Variants in NPAS3 observed in about 807,000 individuals in gnomAD.
NPAS3 encodes neuronal PAS domain-containing protein 3.
NPAS3 carries 14 observed loss-of-function variants against 73.1 expected under a neutral mutation model. That is an observed-to-expected ratio of 0.19 (90% confidence interval 0.13 to 0.30). The LOEUF is 0.30. NPAS3 is among the 10% of genes least tolerant of loss of function. NPAS3 has a pLI of 1.00. For synonymous variants in NPAS3, 620 were observed against 541.5 expected (o/e 1.14, Z -2.01); for missense variants, 1,096 against 1,250.0 (o/e 0.88, Z 1.86).
intron 6 of NPAS3, among the ~76,000 whole-genome samples, chr14:33,734,279 A>C (rs557127374): frequency 1.7e-4 from 26 of 152,250 alleles, no homozygotes; most frequent in Admixed American, 6.5e-4. Context: ...CCCCAAAATT[A>C]ATTTCTTTGC....
intron 3 of NPAS3, among the ~76,000 whole-genome samples, chr14:33,237,722 A>G (rs1453586913): frequency 2.0e-5 from 3 of 152,030 alleles, no homozygotes; most frequent in Non-Finnish European, 4.4e-5. Context: ...ATAGATTTGC[A>G]TATACATATA....
intron 1 of NPAS3, among the ~76,000 whole-genome samples, chr14:32,966,931 A>C (rs566087581): frequency 6.6e-6 from 1 of 152,338 alleles, no homozygotes; most frequent in Admixed American, 6.5e-5. Flanking sequence ...AAATGGGATT[A>C]CATTAAACTA....
At chr14:33,656,295 G>A (rs779857296) in intron 5 of NPAS3, among the ~76,000 whole-genome samples, 73 of 131,654 alleles carry the variant, frequency 5.5e-4, no homozygotes, top group Non-Finnish European at 1.0e-3. Flanking sequence ...GGTAATGATT[G>A]TTGTTGTTCT....
At chr14:33,323,782 T>C (rs1396918411) in intron 3 of NPAS3, among the ~76,000 whole-genome samples, 1 of 152,242 alleles carries the variant, frequency 6.6e-6, no homozygotes, top group Admixed American at 6.5e-5. Flanking sequence ...GCTTACGCCA[T>C]CATTTAGTAA....
At chr14:33,644,667 C>T (rs1000731382) in intron 5 of NPAS3, among the ~76,000 whole-genome samples, 11 of 152,136 alleles carry the variant, frequency 7.2e-5, no homozygotes, top group Admixed American at 3.9e-4. Flanking sequence ...CAGATACAAG[C>T]GGAACCCGGG....
intron 2 of NPAS3, among the ~76,000 whole-genome samples, chr14:33,211,666 A>G (rs538387560): frequency 6.6e-5 from 10 of 152,302 alleles, no homozygotes; most frequent in Non-Finnish European, 1.5e-4. Flanking sequence ...CTATATATTT[A>G]TATGCACACA....
At chr14:33,475,078 C>T (rs1188544484) in intron 4 of NPAS3, among the ~76,000 whole-genome samples, 1 of 151,946 alleles carries the variant, frequency 6.6e-6, no homozygotes, top group African/African-American at 2.4e-5. Flanking sequence ...CCCTCTCAAC[C>T]TTTAATGAAT....
chr14:33,329,830 G>C (rs895769252), intron 3 of NPAS3, among the ~76,000 whole-genome samples: 4 of 152,090 alleles, frequency 2.6e-5, no homozygotes, highest in Non-Finnish European at 5.9e-5. Context: ...GTGTGTGAGA[G>C]AGAGAGAGAG....
chr14:33,684,346 C>T (rs138706102), intron 6 of NPAS3, among the ~76,000 whole-genome samples: 25 of 152,000 alleles, frequency 1.6e-4, no homozygotes, highest in Non-Finnish European at 3.1e-4. Flanking sequence ...GAGTCTCGCT[C>T]TGTCGCCCAG....
In NPAS3 at chr14:33,732,222, C is replaced by T. The variant is rs151032801; in HGVS notation, c.734-2992C>T. 5.3e-5 allele frequency among the ~76,000 whole-genome samples: 8 copies of T among 152,292 alleles called. No homozygotes were observed. The East Asian group carries it at 1.2e-3, about 22-fold the overall frequency. ...CTTCGCCTCATCCCACACACATGCACGCATGTGCACGCACACACACACACA... is the reference window on the plus strand; with the variant it reads ...CTTCGCCTCATCCCACACACATGCATGCATGTGCACGCACACACACACACA... On this transcript the variant is annotated intron_variant, in intron 6 of 11. Coordinates refer to ENST00000356141, the Ensembl canonical transcript of NPAS3.
chr14:33,647,066 GT>G (rs1038672424), intron 5 of NPAS3, among the ~76,000 whole-genome samples: 26 of 152,264 alleles, frequency 1.7e-4, no homozygotes, highest in Admixed American at 1.4e-3. Flanking sequence ...TCAAAATGAT[GT>G]GAAAGTCAGG....
intron 3 of NPAS3, among the ~76,000 whole-genome samples, chr14:33,268,945 A>T (rs966388386): frequency 1.4e-4 from 21 of 152,254 alleles, no homozygotes; most frequent in African/African-American, 5.1e-4. Context: ...GCCAGCTGTC[A>T]TTACTGATTC....
rs1039812888 is a variant in NPAS3, at chr14:33,351,493, C to T, written c.386-15693C>T. Among the ~76,000 whole-genome samples the T allele has an allele frequency of 3.3e-5, 5 of 152,260 alleles. No individual in the cohort carries two copies. In the East Asian group the frequency reaches 9.6e-4, roughly 29 times the overall value. On this transcript the variant is annotated intron_variant, in intron 3 of 11. Transcript: ENST00000356141. Reference sequence around the variant, plus strand: ...GGCAGTCATAATTTAACCAAGCTTCCCAATGCCTACCATGTATATATGTCT... The same window carrying T: ...GGCAGTCATAATTTAACCAAGCTTCTCAATGCCTACCATGTATATATGTCT...
chr14:33,720,543 C>G (rs543230790), intron 6 of NPAS3, among the ~76,000 whole-genome samples: 7 of 152,298 alleles, frequency 4.6e-5, no homozygotes, highest in African/African-American at 1.4e-4. Context: ...AGCTGCCTTT[C>G]TCAAGCACAT....
chr14:33,176,530 G>A (rs1235603580), intron 2 of NPAS3, among the ~76,000 whole-genome samples: 1 of 152,136 alleles, frequency 6.6e-6, no homozygotes, highest in Non-Finnish European at 1.5e-5. Context: ...TTTCTTACGT[G>A]TTGTAGCATG....
chr14:32,999,107 G>T (rs141165129), intron 1 of NPAS3, among the ~76,000 whole-genome samples: 1 of 152,082 alleles, frequency 6.6e-6, no homozygotes, highest in Non-Finnish European at 1.5e-5. Context: ...AGCAATTTTT[G>T]CTTCTTTAAT....
At chr14:33,522,169 C>T (rs375283042) in intron 4 of NPAS3, among the ~76,000 whole-genome samples, 18 of 152,208 alleles carry the variant, frequency 1.2e-4, no homozygotes, top group East Asian at 1.2e-3. Flanking sequence ...AATCCATAAA[C>T]GTATAGGCAG....
chr14:33,783,183 G>A (rs2063034485), intron 9 of NPAS3, among the ~76,000 whole-genome samples: 1 of 152,186 alleles, frequency 6.6e-6, no homozygotes, highest in Non-Finnish European at 1.5e-5. Flanking sequence ...TTTAATTGTT[G>A]GTTTGGGTAT....
intron 2 of NPAS3, among the ~76,000 whole-genome samples, chr14:33,131,686 C>T (rs543796034): frequency 4.6e-5 from 7 of 152,182 alleles, no homozygotes; most frequent in South Asian, 4.2e-4. Flanking sequence ...TGCATGTTTG[C>T]GTGTGCATGC....
Sources: allele counts gnomAD v4.1 joint callset (sites outside exome capture counted in the v4.1 genomes callset), GRCh38; gene constraint gnomAD v4.1.1; transcripts MANE v1.5; gene names NCBI Gene and HGNC (gene_info 2026-07-23, HGNC 2026-07-21).